Variants in TRIP11 observed in about 807,000 individuals in gnomAD.
TRIP11 encodes thyroid hormone receptor interactor 11.
In TRIP11, 148 loss-of-function variants were observed where a neutral mutation model predicts 223.1. That is an observed-to-expected ratio of 0.66 (90% CI 0.58 to 0.76). The LOEUF (loss-of-function observed/expected upper bound fraction) is 0.76. Among genes scored for constraint, TRIP11 ranks in the 30% least tolerant of loss-of-function variants. The pLI, the probability that TRIP11 is intolerant of heterozygous loss-of-function variation, is 0.00. For synonymous variants in TRIP11, 762 were observed against 772.6 expected (o/e 0.99, Z 0.23); for missense variants, 2,043 against 2,222.0 (o/e 0.92, Z 1.62).
At chr14:92,022,733 G>A (rs1472930832) in intron 3 of TRIP11, among the ~76,000 whole-genome samples, 1 of 152,172 alleles carries the variant, frequency 6.6e-6, no homozygotes, top group East Asian at 1.9e-4. Flanking sequence ...ATATTAGGAA[G>A]ACAGCCAACA....
At chr14:92,017,396 A>C (rs1250730722) in intron 5 of TRIP11, among the ~76,000 whole-genome samples, 1 of 152,122 alleles carries the variant, frequency 6.6e-6, no homozygotes, top group East Asian at 1.9e-4. Flanking sequence ...ATCAGAAAAA[A>C]TTAGCCAGGC....
Position 91,974,763 on chromosome 14 carries a change from C to G in TRIP11, c.5458-20G>C. 6.5e-7 allele frequency: 1 copy of G among 1,548,958 alleles called. No individual in the cohort carries two copies. Among genetic ancestry groups the G allele is most frequent in the Non-Finnish European group, 8.9e-7 (1 of 1,126,828 alleles). On this transcript the variant is annotated intron_variant, in intron 18 of 20. Transcript: ENST00000267622. ...AAACAACTGAAAGATTATTTTAAAA[C>G]AGACAAATATTATCAGTACAAGAAA...
At chr14:92,006,476 TACA>T in intron 10 of TRIP11, 28 bp from the exon 11 acceptor site, 1 of 1,609,590 alleles carries the variant, frequency 6.2e-7, no homozygotes, top group Non-Finnish European at 8.5e-7. Context: ...ATGGTGACTT[TACA>T]ACATGTTCTC....
chr14:92,020,294 C>CTTTT (rs1352832224), intron 4 of TRIP11, among the ~76,000 whole-genome samples: 5 of 151,556 alleles, frequency 3.3e-5, no homozygotes, highest in African/African-American at 1.2e-4. Flanking sequence ...ATTCCAAAAT[C>CTTTT]CAAAATCTGA....
At chr14:91,985,761 T>G (rs1478290979) in intron 16 of TRIP11, among the ~76,000 whole-genome samples, 1 of 152,230 alleles carries the variant, frequency 6.6e-6, no homozygotes, top group Non-Finnish European at 1.5e-5. Flanking sequence ...CCAAGTTTTG[T>G]GTTAAAAATA....
At chr14:92,026,504 A>G in intron 2 of TRIP11, 2 of 988,906 alleles carry the variant, frequency 2.0e-6, no homozygotes, top group Non-Finnish European at 3.2e-6. Flanking sequence ...CTTTATCGCC[A>G]GAGTCCCTGA....
rs60778253 is a variant in TRIP11, at chr14:92,029,280, A to ATTTTTTTTTTTTTTTTTTT, written c.202-3879_202-3861dup. Among the ~76,000 whole-genome samples the ATTTTTTTTTTTTTTTTTTT allele has an allele frequency of 2.6e-5, 2 of 76,762 alleles. 1 individual carries two copies. Among genetic ancestry groups the ATTTTTTTTTTTTTTTTTTT allele is most frequent in the African/African-American group, 1.2e-4 (2 of 17,256 alleles). 50.4% of individuals were successfully genotyped at this position (76,762 alleles called of 152,430 possible). ...TTCTGACTGCATTGCCCAAAGTATT[A>ATTTTTTTTTTTTTTTTTTT]TTTTTTTTTTTTTTTTTTTTTTTTT... On this transcript the variant is annotated intron_variant, in intron 2 of 20. Coordinates refer to ENST00000267622, the MANE Select transcript of TRIP11 (RefSeq NM_004239.4).
At chr14:92,028,792 T>A (rs1595409925) in intron 2 of TRIP11, among the ~76,000 whole-genome samples, 1 of 152,194 alleles carries the variant, frequency 6.6e-6, no homozygotes, top group Non-Finnish European at 1.5e-5. Context: ...CCTTCTAAAG[T>A]CAGACTACAT....
chr14:91,972,075 G>A (rs2056407022), intron 20 of TRIP11, among the ~76,000 whole-genome samples: 1 of 152,056 alleles, frequency 6.6e-6, no homozygotes, highest in South Asian at 2.1e-4. Flanking sequence ...AAATTTTCTT[G>A]CGTGCCAGTA....
chr14:91,998,235 T>G (rs1277607878), intron 13 of TRIP11, among the ~76,000 whole-genome samples: 3 of 152,214 alleles, frequency 2.0e-5, no homozygotes, highest in Non-Finnish European at 4.4e-5. Flanking sequence ...CAATTTTTTG[T>G]GAAATAATTT....
intron 16 of TRIP11, among the ~76,000 whole-genome samples, chr14:91,980,724 A>G (rs2056527393): frequency 6.6e-6 from 1 of 152,006 alleles, no homozygotes; most frequent in African/African-American, 2.4e-5. Context: ...GAGGCCAAGG[A>G]GTCAACAGAA....
chr14:92,002,020 T>C (rs983952662), intron 11 of TRIP11, among the ~76,000 whole-genome samples: 1 of 152,216 alleles, frequency 6.6e-6, no homozygotes, highest in Non-Finnish European at 1.5e-5. Flanking sequence ...TTGTATCTTA[T>C]GCCTGGCAGC....
intron 13 of TRIP11, among the ~76,000 whole-genome samples, chr14:91,996,761 T>G (rs1046771321): frequency 6.6e-6 from 1 of 152,204 alleles, no homozygotes; most frequent in Non-Finnish European, 1.5e-5. Context: ...CCAAAGGCTA[T>G]CCCACTGATG....
chr14:92,003,362 TAA>T, intron 11 of TRIP11, 55 bp downstream of exon 11: 3 of 1,600,376 alleles, frequency 1.9e-6, no homozygotes, highest in Non-Finnish European at 2.6e-6. Context: ...GAAATAACAT[TAA>T]AAAAAGTCTC....
chr14:91,999,984 G>A lies in TRIP11; in HGVS notation c.4682C>T (p.Thr1561Ile). The A allele has an allele frequency of 6.2e-7, 1 of 1,613,868 alleles. No individual in the cohort carries two copies. ...AAAGTATACCTCATTCTGTAGGGCA[G>A]TATTTTCCATTTGTTTTTGTTTCAG... ...LALKQKQMEN[T>I]ALQNEVQRLR... The change falls in exon 12 of 21, where the codon ACT becomes ATT. Residue 1561 changes from threonine to isoleucine, a missense_variant. Coordinates refer to ENST00000267622, the MANE Select transcript of TRIP11 (RefSeq NM_004239.4).
At position 92,003,476 on chromosome 14, in the gene TRIP11, G is replaced by A. The variant is rs140939244; in HGVS notation, c.4500C>T (p.Cys1500=). Residue 1500 remains cysteine, a synonymous_variant, in exon 11 of 21, where the codon TGC becomes TGT. Transcript: ENST00000267622. The part of the protein sequence containing the change: ...SMMLREKEFE[C]HSMKEKALAF... ...CAAGAGCCTTCTCCTTCATTGAGTG[G>A]CACTCAAACTCTTTTTCTCGCAGCA... is the stretch of plus-strand genomic sequence containing the variant. 144 of 1,613,882 alleles carry A rather than the reference G, an allele frequency of 8.9e-5. No homozygotes were observed. Among genetic ancestry groups the A allele is most frequent in the Non-Finnish European group, 1.2e-5 (14 of 1,180,018 alleles).
chr14:91,972,973 T>G (rs2056417616), intron 19 of TRIP11, 112 bp from the exon 20 acceptor site: 1 of 951,770 alleles, frequency 1.1e-6, no homozygotes. Context: ...TCATGCCACT[T>G]GAATAATTTT....
At chr14:91,975,316 G>C in intron 17 of TRIP11, 30 bp from the exon 18 acceptor site, 2 of 1,507,098 alleles carry the variant, frequency 1.3e-6, no homozygotes, top group Non-Finnish European at 1.8e-6. Flanking sequence ...AACAGCTCAA[G>C]TGAACTCAAC....
Position 92,015,612 on chromosome 14 carries a change from C to T in TRIP11, c.823+84G>A, listed in dbSNP as rs1595397261. ...GGCGGAGGTTGCAGTGAGCCGAGAT[C>T]GCGCCAGTGCACTCCAGCCTGGGCA... On this transcript the variant is annotated intron_variant, in intron 6 of 20. Transcript: ENST00000267622. 5.1e-6 allele frequency: 6 copies of T among 1,181,632 alleles called. No individual in the cohort carries two copies. In the South Asian group the frequency reaches 5.8e-5, roughly 11 times the overall value. 73.2% of individuals were successfully genotyped at this position (1,181,632 alleles called of 1,614,324 possible).
Sources: gnomAD v4.1 joint callset for allele counts (sites outside exome capture counted in the v4.1 genomes callset) on GRCh38, gnomAD v4.1.1 for gene constraint, MANE v1.5 for transcripts, NCBI Gene and HGNC (gene_info 2026-07-23, HGNC 2026-07-21) for gene names.